The following MDGA2 variants were observed in gnomAD, a reference collection of about 807,000 sequenced individuals.
The protein encoded by MDGA2 is MAM domain-containing glycosylphosphatidylinositol anchor protein 2.
Under a neutral mutation model 117.8 loss-of-function variants are expected in MDGA2, and 40 were observed. The observed-to-expected ratio is 0.34, with a 90% CI of 0.26 to 0.44. MDGA2 has a LOEUF of 0.44. MDGA2 is among the 20% of genes least tolerant of loss of function. MDGA2 has a pLI of 1.00. For synonymous variants in MDGA2, 452 were observed against 439.0 expected (o/e 1.03, Z -0.37); for missense variants, 1,123 against 1,250.6 (o/e 0.90, Z 1.54).
At chr14:47,422,860 C>A (rs1594849439) in intron 1 of MDGA2, among the ~76,000 whole-genome samples, 1 of 152,074 alleles carries the variant, frequency 6.6e-6, no homozygotes, top group East Asian at 1.9e-4. Context: ...ATTCTATACA[C>A]TCGAAACCCT....
rs142140284 is a variant in MDGA2, at chr14:47,492,713, C to G, written c.280+181804G>C. 5.3e-4 allele frequency among the ~76,000 whole-genome samples: 80 copies of G among 152,164 alleles called. 1 individual carries two copies. Among genetic ancestry groups the G allele is most frequent in the African/African-American group, 1.8e-3 (75 of 41,524 alleles). ...GACAGTTAAGTATTTTAAAGCACTGCATTAAATATAGTTCAGTCTATAATA... is the reference window on the plus strand; with the variant it reads ...GACAGTTAAGTATTTTAAAGCACTGGATTAAATATAGTTCAGTCTATAATA... On this transcript the variant is annotated intron_variant, in intron 1 of 16. Coordinates refer to ENST00000399232, the MANE Select transcript of MDGA2 (RefSeq NM_001113498.3).
intron 1 of MDGA2, among the ~76,000 whole-genome samples, chr14:47,635,792 G>A (rs941934927): frequency 2.0e-5 from 3 of 152,100 alleles, no homozygotes; most frequent in Non-Finnish European, 4.4e-5. Flanking sequence ...CTGATTTGCT[G>A]TCAGGAAAAT....
intron 9 of MDGA2, among the ~76,000 whole-genome samples, chr14:46,931,234 A>C (rs1029383894): frequency 7.3e-5 from 11 of 151,394 alleles, no homozygotes; most frequent in African/African-American, 1.7e-4. Flanking sequence ...AAAAAAAAAA[A>C]AACTCAAAAT....
chr14:47,088,157 AGTTTT>A (rs1363241892), intron 6 of MDGA2, among the ~76,000 whole-genome samples: 1 of 152,108 alleles, frequency 6.6e-6, no homozygotes, highest in Non-Finnish European at 1.5e-5. Context: ...AGGATAAGTT[AGTTTT>A]ATTTACAAAA....
At chr14:46,927,105 A>G (rs1158907271) in intron 9 of MDGA2, among the ~76,000 whole-genome samples, 4 of 152,184 alleles carry the variant, frequency 2.6e-5, no homozygotes, top group Non-Finnish European at 5.9e-5. Context: ...GTCCTTCTGA[A>G]GGCTTATTGT....
At chr14:46,892,131 T>C (rs1397643421) in intron 10 of MDGA2, among the ~76,000 whole-genome samples, 2 of 151,540 alleles carry the variant, frequency 1.3e-5, no homozygotes, top group Non-Finnish European at 3.0e-5. Flanking sequence ...CACAAAGCAA[T>C]AGTAATCAAA....
At chr14:47,422,131 T>C (rs1892592853) in intron 1 of MDGA2, among the ~76,000 whole-genome samples, 1 of 152,158 alleles carries the variant, frequency 6.6e-6, no homozygotes, top group South Asian at 2.1e-4. Flanking sequence ...TATTTCCAAA[T>C]TCATAAATTT....
At chr14:47,237,975 G>A (rs2139595383) in intron 2 of MDGA2, among the ~76,000 whole-genome samples, 1 of 152,140 alleles carries the variant, frequency 6.6e-6, no homozygotes, top group Non-Finnish European at 1.5e-5. Flanking sequence ...ACTCACTCCT[G>A]TTCACCAGGC....
intron 14 of MDGA2, among the ~76,000 whole-genome samples, chr14:46,872,555 TATATC>T (rs1176340892): frequency 6.6e-6 from 1 of 151,948 alleles, no homozygotes; most frequent in Non-Finnish European, 1.5e-5. Context: ...TTATATCACT[TATATC>T]ATGTGATATC....
chr14:47,486,207 G>C (rs1566480622), intron 1 of MDGA2, among the ~76,000 whole-genome samples: 1 of 152,198 alleles, frequency 6.6e-6, no homozygotes, highest in African/African-American at 2.4e-5. Context: ...TCTTGCATCA[G>C]CATGACCTGG....
chr14:47,056,509 T>A (rs547290594), intron 7 of MDGA2, among the ~76,000 whole-genome samples: 7 of 152,262 alleles, frequency 4.6e-5, no homozygotes, highest in South Asian at 2.1e-4. Flanking sequence ...AGAAAAAAGA[T>A]CATCAAAATC....
Position 47,090,265 on chromosome 14 carries a change from T to C in MDGA2, c.1195+6589A>G, listed in dbSNP as rs1879564486. On this transcript the variant is annotated intron_variant, in intron 6 of 16. Coordinates refer to ENST00000399232, the MANE Select transcript of MDGA2 (RefSeq NM_001113498.3). ...GTTACAGCATATTTCTGTGCAGTTA[T>C]GAAAGTGAAATTCATGCCTCATTGA... Among the ~76,000 whole-genome samples the C allele has an allele frequency of 2.6e-5, 4 of 152,276 alleles. No individual in the cohort carries two copies. The South Asian group carries it at 8.3e-4, about 32-fold the overall frequency.
At chr14:47,172,364 C>T (rs1884191307) in intron 3 of MDGA2, among the ~76,000 whole-genome samples, 1 of 151,940 alleles carries the variant, frequency 6.6e-6, no homozygotes, top group South Asian at 2.1e-4. Flanking sequence ...TCCCTGACCC[C>T]TGACCCCCGA....
intron 14 of MDGA2, among the ~76,000 whole-genome samples, chr14:46,865,463 C>A (rs1881713852): frequency 6.6e-6 from 1 of 152,246 alleles, no homozygotes; most frequent in Admixed American, 6.5e-5. Context: ...TGGAAACATT[C>A]CCTTTGAAAA....
At chr14:47,420,976 CA>C (rs902607832) in intron 1 of MDGA2, among the ~76,000 whole-genome samples, 7 of 152,018 alleles carry the variant, frequency 4.6e-5, no homozygotes, top group African/African-American at 7.2e-5. Flanking sequence ...ATGCCTATTT[CA>C]AGCATAAAAC....
intron 15 of MDGA2, 27 bp from the exon 16 acceptor site, chr14:46,845,898 A>C: frequency 6.6e-7 from 1 of 1,517,622 alleles, no homozygotes; most frequent in Admixed American, 1.7e-5. Context: ...AACAAACCTA[A>C]ATGTGGAGCT....
intron 8 of MDGA2, among the ~76,000 whole-genome samples, chr14:46,959,158 G>A (rs1257274243): frequency 6.6e-6 from 1 of 151,732 alleles, no homozygotes; most frequent in Non-Finnish European, 1.5e-5. Context: ...ATGCTATTAA[G>A]TATATATGAA....
chr14:47,344,386 C>G (rs1043198057), intron 1 of MDGA2, among the ~76,000 whole-genome samples: 1 of 152,026 alleles, frequency 6.6e-6, no homozygotes, highest in Non-Finnish European at 1.5e-5. Flanking sequence ...CCAGGCAAAC[C>G]AGAGCCAATT....
chr14:47,600,083 T>C (rs563183200), intron 1 of MDGA2, among the ~76,000 whole-genome samples: 4 of 152,084 alleles, frequency 2.6e-5, no homozygotes, highest in East Asian at 3.9e-4. Context: ...CATGGCTACA[T>C]TGAATTTTCT....
Sources: allele counts gnomAD v4.1 joint callset (sites outside exome capture counted in the v4.1 genomes callset), GRCh38; gene constraint gnomAD v4.1.1; transcripts MANE v1.5; gene names NCBI Gene and HGNC (gene_info 2026-07-23, HGNC 2026-07-21).